Variants in CACNG3 observed in about 807,000 individuals in gnomAD.
CACNG3 encodes voltage-dependent calcium channel gamma-3 subunit.
A neutral mutation model predicts 28.5 loss-of-function variants in CACNG3; 3 were observed. The ratio of observed to expected loss-of-function variants is 0.11; its 90% confidence interval spans 0.05 to 0.27. CACNG3 has a LOEUF of 0.27. Ranked by LOEUF, CACNG3 falls within the 10% of genes least tolerant of loss-of-function variation. The pLI, the probability that CACNG3 is intolerant of heterozygous loss-of-function variation, is 1.00. For synonymous variants in CACNG3, 174 were observed against 162.2 expected, an observed-to-expected ratio of 1.07 and a Z score of -0.55; for missense variants, 236 against 414.4, an observed-to-expected ratio of 0.57 and a Z score of 3.74.
chr16:24,354,950 C>T lies in CACNG3; in HGVS notation c.413C>T (p.Ala138Val). 2.5e-6 allele frequency: 4 copies of T among 1,612,826 alleles called. No homozygotes were observed. Among genetic ancestry groups the T allele is most frequent in the Non-Finnish European group, 3.4e-6 (4 of 1,179,976 alleles). ...AGCAGACACAACGTCATTCTCAGCG[C>T]GGGCATCTTTTTTGTCTCTGCAGGT... The part of the protein sequence containing the change: ...HRSRHNVILS[A>V]GIFFVSAGLS... Residue 138 changes from alanine to valine, a missense_variant, in exon 3 of 4, where the codon GCG (alanine) becomes GTG (valine). By Grantham distance (64) the Ala-to-Val change is moderately conservative (BLOSUM62 0). Coordinates refer to ENST00000005284, the MANE Select transcript of CACNG3 (RefSeq NM_006539.4).
At chr16:24,323,344 A>T (rs977233387) in intron 1 of CACNG3, among the ~76,000 whole-genome samples, 1 of 151,884 alleles carries the variant, frequency 6.6e-6, no homozygotes, top group Non-Finnish European at 1.5e-5. Context: ...CCTATACTAG[A>T]CCCTAGCATG....
chr16:24,360,994 C>T (rs1002646058), intron 3 of CACNG3, among the ~76,000 whole-genome samples: 4 of 152,184 alleles, frequency 2.6e-5, no homozygotes, highest in Non-Finnish European at 4.4e-5. Flanking sequence ...AATTCAAGGG[C>T]AGAGGCGTGT....
chr16:24,311,508 C>CA (rs11308886), intron 1 of CACNG3, among the ~76,000 whole-genome samples: 110 of 141,456 alleles, frequency 7.8e-4, no homozygotes, highest in Middle Eastern at 7.5e-3. Flanking sequence ...GACTACATTT[C>CA]AAAAAAAAAA....
At chr16:24,272,232 T>C (rs1898700317) in intron 1 of CACNG3, among the ~76,000 whole-genome samples, 1 of 152,114 alleles carries the variant, frequency 6.6e-6, no homozygotes, top group African/African-American at 2.4e-5. Context: ...AATATGAAAG[T>C]AATGCAAAAA....
At chr16:24,309,130 A>C (rs1254703871) in intron 1 of CACNG3, among the ~76,000 whole-genome samples, 1 of 152,184 alleles carries the variant, frequency 6.6e-6, no homozygotes, top group East Asian at 1.9e-4. Flanking sequence ...CCATTGTTCG[A>C]TTATCTCTCC....
intron 1 of CACNG3, among the ~76,000 whole-genome samples, chr16:24,301,928 G>T (rs1899118002): frequency 6.6e-6 from 1 of 151,950 alleles, no homozygotes. Context: ...TCTGTGGTTG[G>T]GGATAAATCT....
chr16:24,324,400 C>T lies in CACNG3; in HGVS notation c.212-22334C>T, dbSNP rs1899508379. On this transcript the variant is annotated intron_variant, in intron 1 of 3. Coordinates refer to ENST00000005284, the MANE Select transcript of CACNG3 (RefSeq NM_006539.4). ...CCTCATCTCCTAGTACCACTACTTA[C>T]CCCAGCCATACACAGGCAAAAAGCA... 2.0e-5 allele frequency among the ~76,000 whole-genome samples: 3 copies of T among 152,158 alleles called. No individual in the cohort carries two copies. The South Asian group carries it at 6.2e-4, about 32-fold the overall frequency.
rs71154295 is a variant in CACNG3 at position 24,280,821 on chromosome 16, C to CAAAAAAAAAA, written c.211+23871_211+23880dup. On this transcript the variant is annotated intron_variant, in intron 1 of 3. Transcript: ENST00000005284. ...TGGGTGACAGAGCAAGAGTTTGTCT[C>CAAAAAAAAAA]AAAAAAAAAAAAAAAAAAAAAAAAG... Among the ~76,000 whole-genome samples the CAAAAAAAAAA allele has an allele frequency of 5.4e-3, 298 of 55,622 alleles. 38 individuals carry two copies. Among genetic ancestry groups the CAAAAAAAAAA allele is most frequent in the Middle Eastern group, 0.017 (1 of 60 alleles). The allele number at this position is 55,622 out of a possible 152,430, so 36.5% of individuals were successfully genotyped here.
chr16:24,351,654 A>C (rs1458022201), intron 2 of CACNG3, among the ~76,000 whole-genome samples: 1 of 116,422 alleles, frequency 8.6e-6, no homozygotes, highest in Non-Finnish European at 1.7e-5. Flanking sequence ...GGAGGGGGAA[A>C]GACAGACGAA....
intron 2 of CACNG3, among the ~76,000 whole-genome samples, chr16:24,352,083 G>A (rs189340938): frequency 1.3e-5 from 2 of 152,000 alleles, no homozygotes; most frequent in Admixed American, 1.3e-4. Flanking sequence ...CCCAACTTCA[G>A]GTCTCCCTCT....
chr16:24,335,051 T>C (rs866425400), intron 1 of CACNG3, among the ~76,000 whole-genome samples: 2 of 152,178 alleles, frequency 1.3e-5, no homozygotes, highest in Non-Finnish European at 2.9e-5. Context: ...TAGTGCTATT[T>C]AGAGGATTTT....
Position 24,347,347 on chromosome 16 carries a change from A to G in CACNG3, c.295+530A>G, listed in dbSNP as rs1899883452. Among the ~76,000 whole-genome samples the G allele has an allele frequency of 3.3e-5, 5 of 152,174 alleles. No homozygotes were observed. In the South Asian group the frequency reaches 1.0e-3, roughly 32 times the overall value. On this transcript the variant is annotated intron_variant, in intron 2 of 3. Coordinates refer to ENST00000005284, the MANE Select transcript of CACNG3 (RefSeq NM_006539.4). ...AAGAAAGAGAAGGAGAAAGAAAAGGAGAATGAGAATGAGAAAGAGAAAGAG... is the reference window on the plus strand; with the variant it reads ...AAGAAAGAGAAGGAGAAAGAAAAGGGGAATGAGAATGAGAAAGAGAAAGAG...
intron 1 of CACNG3, among the ~76,000 whole-genome samples, chr16:24,334,872 C>T (rs1309236810): frequency 6.6e-6 from 1 of 152,136 alleles, no homozygotes; most frequent in East Asian, 1.9e-4. Context: ...TGCATGCACC[C>T]ACATGCACAG....
intron 2 of CACNG3, among the ~76,000 whole-genome samples, chr16:24,347,262 G>T (rs1169691665): frequency 6.6e-6 from 1 of 152,154 alleles, no homozygotes; most frequent in Non-Finnish European, 1.5e-5. Flanking sequence ...AGGCTGCAGT[G>T]AGCTATGATC....
intron 2 of CACNG3, among the ~76,000 whole-genome samples, chr16:24,348,872 CA>C (rs777662212): frequency 1.3e-5 from 2 of 152,230 alleles, no homozygotes; most frequent in Non-Finnish European, 2.9e-5. Context: ...CTTCTCTTCA[CA>C]ACTTGTATAG....
At chr16:24,313,474 T>G (rs922861467) in intron 1 of CACNG3, among the ~76,000 whole-genome samples, 43 of 152,322 alleles carry the variant, frequency 2.8e-4, no homozygotes, top group African/African-American at 6.3e-4. Context: ...TTGATTTTTT[T>G]ATTTTTTACT....
chr16:24,329,167 C>T (rs1043654717), intron 1 of CACNG3, among the ~76,000 whole-genome samples: 6 of 152,212 alleles, frequency 3.9e-5, no homozygotes, highest in African/African-American at 1.4e-4. Flanking sequence ...CCTTGCAGAA[C>T]TAAATCCCAG....
intron 1 of CACNG3, among the ~76,000 whole-genome samples, chr16:24,258,672 A>G (rs543122160): frequency 1.3e-5 from 2 of 152,304 alleles, no homozygotes; most frequent in East Asian, 3.9e-4. Flanking sequence ...TATATTGGCT[A>G]TAAGGAATTG....
intron 1 of CACNG3, among the ~76,000 whole-genome samples, chr16:24,337,960 A>G (rs998491073): frequency 6.6e-5 from 10 of 151,038 alleles, no homozygotes; most frequent in African/African-American, 2.4e-4. Context: ...CAGCTGATGG[A>G]CCCAGTGATC....
Sources: gnomAD v4.1 joint callset for allele counts (sites outside exome capture counted in the v4.1 genomes callset) on GRCh38, gnomAD v4.1.1 for gene constraint, MANE v1.5 for transcripts, NCBI Gene and HGNC (gene_info 2026-07-23, HGNC 2026-07-21) for gene names.